DLGAP2: variants seen among roughly 807,000 people sequenced by gnomAD.
DLGAP2 encodes disks large-associated protein 2.
Under a neutral mutation model 100.3 loss-of-function variants are expected in DLGAP2, and 26 were observed. The ratio of observed to expected loss-of-function variants is 0.26; its 90% confidence interval spans 0.19 to 0.36. The LOEUF (loss-of-function observed/expected upper bound fraction) is 0.36. DLGAP2 is among the 10% of genes least tolerant of loss of function. The pLI, the probability that DLGAP2 is intolerant of heterozygous loss-of-function variation, is 1.00. For synonymous variants in DLGAP2, 886 were observed against 630.1 expected (o/e 1.41, Z -6.08); for missense variants, 1,858 against 1,453.2 (o/e 1.28, Z -4.53).
chr8:1,291,570 G>C (rs993867112), intron 3 of DLGAP2, among the ~76,000 whole-genome samples: 1 of 152,158 alleles, frequency 6.6e-6, no homozygotes, highest in Non-Finnish European at 1.5e-5. Flanking sequence ...TCCTAATCCG[G>C]GGTGATTCTG....
chr8:926,710 C>A (rs1798823841), intron 2 of DLGAP2, among the ~76,000 whole-genome samples: 1 of 152,196 alleles, frequency 6.6e-6, no homozygotes, highest in African/African-American at 2.4e-5. Flanking sequence ...GAGGGGCTGG[C>A]AGCAGCTGAG....
At chr8:1,698,114 G>C (rs1799450844) in intron 14 of DLGAP2, among the ~76,000 whole-genome samples, 1 of 152,234 alleles carries the variant, frequency 6.6e-6, no homozygotes, top group Admixed American at 6.5e-5. Flanking sequence ...AGATCTAGTG[G>C]TCATCATCAT....
chr8:1,415,607 C>T (rs1187721645), intron 3 of DLGAP2, among the ~76,000 whole-genome samples: 1 of 152,182 alleles, frequency 6.6e-6, no homozygotes, highest in Non-Finnish European at 1.5e-5. Context: ...ACTAAGGCCC[C>T]CACCTGCATC....
At chr8:1,346,207 G>A (rs751269676) in intron 3 of DLGAP2, among the ~76,000 whole-genome samples, 10 of 152,168 alleles carry the variant, frequency 6.6e-5, no homozygotes, top group Non-Finnish European at 8.8e-5. Context: ...TTGCACTCAC[G>A]GTAGCTGTGT....
intron 1 of DLGAP2, among the ~76,000 whole-genome samples, chr8:813,825 G>A (rs529301279): frequency 6.6e-6 from 1 of 152,260 alleles, no homozygotes; most frequent in East Asian, 1.9e-4. Context: ...TGAGATGCCT[G>A]TTATCCTATG....
chr8:1,549,985 T>C (rs546177592), intron 5 of DLGAP2, among the ~76,000 whole-genome samples: 1 of 152,324 alleles, frequency 6.6e-6, no homozygotes, highest in Non-Finnish European at 1.5e-5. Flanking sequence ...TGACCCCTCC[T>C]CACTGAAATG....
intron 3 of DLGAP2, among the ~76,000 whole-genome samples, chr8:1,272,259 A>T (rs1799598699): frequency 6.6e-5 from 10 of 152,198 alleles, no homozygotes; most frequent in Admixed American, 5.9e-4. Flanking sequence ...GCAGTTAGAG[A>T]TGGAAACATC....
intron 3 of DLGAP2, among the ~76,000 whole-genome samples, chr8:1,423,921 C>A (rs1797170909): frequency 6.6e-6 from 1 of 152,136 alleles, no homozygotes; most frequent in Non-Finnish European, 1.5e-5. Context: ...TCAGAAGAAC[C>A]CAAATGAGGA....
chr8:1,069,519 G>T (rs189597955), intron 2 of DLGAP2, among the ~76,000 whole-genome samples: 86 of 152,252 alleles, frequency 5.6e-4, no homozygotes, highest in African/African-American at 2.0e-3. Flanking sequence ...TGAGATAACG[G>T]TTTCTGGGGA....
chr8:1,699,044 C>G (rs974862121), intron 14 of DLGAP2, among the ~76,000 whole-genome samples: 2 of 152,216 alleles, frequency 1.3e-5, no homozygotes, highest in Admixed American at 6.5e-5. Flanking sequence ...CGGTTTGGAT[C>G]TGAGGTGAAG....
At chr8:1,646,764 A>G (rs561643204) in intron 8 of DLGAP2, among the ~76,000 whole-genome samples, 7 of 152,356 alleles carry the variant, frequency 4.6e-5, no homozygotes, top group African/African-American at 1.7e-4. Flanking sequence ...CTGCTGGGAC[A>G]GGTCACTAGT....
intron 6 of DLGAP2, among the ~76,000 whole-genome samples, chr8:1,606,393 T>C (rs990286397): frequency 1.4e-4 from 22 of 152,106 alleles, no homozygotes; most frequent in Non-Finnish European, 2.9e-4. Flanking sequence ...AGAAACCCTG[T>C]ACCGTCACTC....
At chr8:1,408,319 C>A (rs1461887291) in intron 3 of DLGAP2, among the ~76,000 whole-genome samples, 1 of 152,226 alleles carries the variant, frequency 6.6e-6, no homozygotes, top group African/African-American at 2.4e-5. Context: ...TCCAGAGTGT[C>A]CGAGGGTTTC....
At chr8:1,569,196 C>G (rs1041900141) in intron 6 of DLGAP2, among the ~76,000 whole-genome samples, 12 of 152,256 alleles carry the variant, frequency 7.9e-5, no homozygotes, top group African/African-American at 2.4e-4. Flanking sequence ...CCTATGGCCC[C>G]CATGCCATTG....
chr8:1,300,165 G>T (rs1351275877), intron 3 of DLGAP2: 1 of 152,212 alleles, frequency 6.6e-6, no homozygotes, highest in Non-Finnish European at 1.5e-5. Context: ...ACAAAATTCA[G>T]CCCCTAGCAA....
intron 3 of DLGAP2, among the ~76,000 whole-genome samples, chr8:1,261,618 A>T (rs111923536): frequency 2.6e-5 from 4 of 152,158 alleles, no homozygotes; most frequent in Admixed American, 2.6e-4. Context: ...GCCCCTCCTC[A>T]CTGGGCTGCG....
chr8:1,319,408 G>T (rs1293388194), intron 3 of DLGAP2, among the ~76,000 whole-genome samples: 1 of 152,196 alleles, frequency 6.6e-6, no homozygotes, highest in Non-Finnish European at 1.5e-5. Context: ...AGGATTCTAG[G>T]AAATGAGTGT....
At chr8:1,582,916 T>C (rs1029715305) in intron 6 of DLGAP2, among the ~76,000 whole-genome samples, 1 of 152,066 alleles carries the variant, frequency 6.6e-6, no homozygotes, top group Admixed American at 6.6e-5. Context: ...AACTTAGAAC[T>C]GCAGTGAGAG....
At chr8:1,167,532 T>C (rs1469038250) in intron 2 of DLGAP2, among the ~76,000 whole-genome samples, 3 of 152,196 alleles carry the variant, frequency 2.0e-5, no homozygotes, top group Non-Finnish European at 4.4e-5. Flanking sequence ...CAGGGGATCT[T>C]AGTCATGAAC....
Sources: allele counts gnomAD v4.1 joint callset (sites outside exome capture counted in the v4.1 genomes callset), GRCh38; gene constraint gnomAD v4.1.1; transcripts MANE v1.5; gene names NCBI Gene and HGNC (gene_info 2026-07-23, HGNC 2026-07-21).